The following ATP13A5 variants were observed in gnomAD, a reference collection of about 807,000 sequenced individuals.
The protein encoded by ATP13A5 is probable cation-transporting ATPase 13A5.
In ATP13A5, 149 loss-of-function variants were observed where a neutral mutation model predicts 150.2. That is an observed-to-expected ratio of 0.99 (90% CI 0.87 to 1.14). The LOEUF is 1.14. Among genes scored for constraint, ATP13A5 ranks in the 50% most tolerant of loss-of-function variants. The pLI is 0.00. For missense variants in ATP13A5, 1,383 were observed against 1,449.3 expected (o/e 0.95, Z 0.74); for synonymous variants, 497 against 522.2 (o/e 0.95, Z 0.66).
intron 22 of ATP13A5, 149 bp downstream of exon 22, chr3:193,307,178 A>C: frequency 6.7e-7 from 1 of 1,500,182 alleles, no homozygotes; most frequent in Non-Finnish European, 8.9e-7. Flanking sequence ...TCCGCTTCCA[A>C]CCCACACTCA....
chr3:193,293,236 T>C (rs1332484686), intron 25 of ATP13A5, among the ~76,000 whole-genome samples: 1 of 152,096 alleles, frequency 6.6e-6, no homozygotes, highest in East Asian at 1.9e-4. Flanking sequence ...AATACAAGCT[T>C]GGACAGTAGT....
chr3:193,306,081 G>A (rs1412104570), intron 22 of ATP13A5, among the ~76,000 whole-genome samples: 2 of 151,832 alleles, frequency 1.3e-5, no homozygotes, highest in Admixed American at 1.3e-4. Flanking sequence ...GAACAAAGGT[G>A]AAAGAATTCC....
intron 27 of ATP13A5, 103 bp from the exon 28 acceptor site, chr3:193,279,557 T>A (rs1378323564): frequency 1.2e-6 from 1 of 816,824 alleles, no homozygotes; most frequent in East Asian, 2.6e-5. Context: ...ATACCAGATA[T>A]ATCTTCAGAT....
chr3:193,359,939 G>A (rs1712940953), intron 5 of ATP13A5, among the ~76,000 whole-genome samples: 1 of 152,140 alleles, frequency 6.6e-6, no homozygotes, highest in African/African-American at 2.4e-5. Flanking sequence ...CAGGGTGGGT[G>A]GGCTGAGTGA....
At chr3:193,349,920 A>G (rs1400525834) in intron 7 of ATP13A5, among the ~76,000 whole-genome samples, 1 of 152,142 alleles carries the variant, frequency 6.6e-6, no homozygotes, top group Non-Finnish European at 1.5e-5. Flanking sequence ...TGCAAACACT[A>G]ATATGTAAGA....
intron 9 of ATP13A5, among the ~76,000 whole-genome samples, chr3:193,335,719 C>T (rs956410190): frequency 7.2e-5 from 11 of 152,266 alleles, no homozygotes; most frequent in African/African-American, 2.6e-4. Context: ...TAGCCTTTTC[C>T]ATTGCCACTA....
rs534653482 is a variant in ATP13A5, at chr3:193,279,170, ATAT to A, written c.3315+193_3315+195del. On this transcript the variant is annotated intron_variant, in intron 28 of 29. Transcript: ENST00000342358. ...AGGTACAGGATAAATGTACCCAATAATATTAATAATATGAAAACCATTAGAGGC... is the reference window on the plus strand; with the variant it reads ...AGGTACAGGATAAATGTACCCAATAATAATAATATGAAAACCATTAGAGGC... 3.1e-3 allele frequency among the ~76,000 whole-genome samples: 465 copies of A among 152,336 alleles called. 5 individuals carry two copies. Among genetic ancestry groups the A allele is most frequent in the Non-Finnish European group, 4.7e-3 (322 of 68,026 alleles).
intron 1 of ATP13A5, among the ~76,000 whole-genome samples, chr3:193,365,918 T>C (rs900127169): frequency 1.3e-5 from 2 of 152,100 alleles, no homozygotes; most frequent in Non-Finnish European, 1.5e-5. Context: ...TGGAATAATT[T>C]TTTAGGAAAA....
intron 23 of ATP13A5, among the ~76,000 whole-genome samples, chr3:193,304,680 A>C (rs566113100): frequency 6.6e-6 from 1 of 152,248 alleles, no homozygotes; most frequent in South Asian, 2.1e-4. Flanking sequence ...TGAGATCAGA[A>C]ATCAGAGTGG....
At chr3:193,350,613 G>C (rs567775767) in intron 7 of ATP13A5, among the ~76,000 whole-genome samples, 2 of 152,274 alleles carry the variant, frequency 1.3e-5, no homozygotes, top group Non-Finnish European at 2.9e-5. Context: ...GGACTTCTAA[G>C]AGGGAGACTA....
rs778862879 is a variant in ATP13A5 at position 193,363,260 on chromosome 3, T to C, written c.360A>G (p.Gln120=). 6.2e-7 allele frequency: 1 copy of C among 1,613,626 alleles called. No homozygotes were observed. Among genetic ancestry groups the C allele is most frequent in the Non-Finnish European group, 8.5e-7 (1 of 1,179,662 alleles). Reference sequence around the variant, plus strand: ...CTTTTAATTCTGGCTTTATTAAGGCTTGGTTTATGACAGAGTGGCGGTCAG... The same window carrying C: ...CTTTTAATTCTGGCTTTATTAAGGCCTGGTTTATGACAGAGTGGCGGTCAG... The part of the protein sequence containing the change: ...LVADRHSVIN[Q]ALIKPELKLR... Residue 120 remains glutamine, a synonymous_variant, in exon 3 of 30, where the codon CAA becomes CAG. Coordinates refer to ENST00000342358, the MANE Select transcript of ATP13A5 (RefSeq NM_198505.4).
intron 11 of ATP13A5, 84 bp from the exon 12 acceptor site, chr3:193,331,395 T>C (rs1374644016): frequency 7.8e-7 from 1 of 1,289,358 alleles, no homozygotes; most frequent in Non-Finnish European, 1.1e-6. Flanking sequence ...ATGAGCACAT[T>C]GTCTCCTACT....
chr3:193,286,332 T>C (rs1717721939), intron 26 of ATP13A5, among the ~76,000 whole-genome samples: 1 of 152,170 alleles, frequency 6.6e-6, no homozygotes, highest in Non-Finnish European at 1.5e-5. Flanking sequence ...TGCTTTATTA[T>C]GTTTCACTTT....
intron 23 of ATP13A5, among the ~76,000 whole-genome samples, chr3:193,303,458 T>C (rs1013535669): frequency 3.3e-5 from 5 of 152,148 alleles, no homozygotes; most frequent in African/African-American, 1.2e-4. Flanking sequence ...TTTGTGTGTG[T>C]ATGTGTGTGT....
In ATP13A5 at chr3:193,362,622, C is replaced by T. The variant is rs764256938; in HGVS notation, c.400G>A (p.Val134Met). The T allele has an allele frequency of 1.2e-5, 19 of 1,614,088 alleles. No individual in the cohort carries two copies. The highest frequency in any genetic ancestry group is 1.6e-4 in the Middle Eastern group (1 of 6,084). Residue 134 changes from valine (V) to methionine (M), a missense_variant, in exon 4 of 30, where the codon GTG becomes ATG. By Grantham distance (21) the Val-to-Met change is conservative (BLOSUM62 1). Around this residue, in one of 3 missense-constraint regions of ATP13A5, gnomAD observed 787 missense variants for 771.9 expected, o/e 1.02. Coordinates refer to ENST00000342358, the MANE Select transcript of ATP13A5 (RefSeq NM_198505.4). ...KPELKLRCME[V>M]QKIRYVWNDL... ...TTCCAAACATACCTGATTTTCTGCA[C>T]TTCCATGCACCGCAGCTACGATTGC...
At chr3:193,283,120 CAT>C (rs747115328) in intron 27 of ATP13A5, among the ~76,000 whole-genome samples, 2 of 151,960 alleles carry the variant, frequency 1.3e-5, no homozygotes, top group African/African-American at 4.8e-5. Context: ...CAGACAAACA[CAT>C]ATATGAAGAT....
chr3:193,276,727 A>G, intron 29 of ATP13A5, 23 bp downstream of exon 29: 1 of 1,528,268 alleles, frequency 6.5e-7, no homozygotes. Context: ...ATCTTCCTAG[A>G]AAAAATATAG....
At chr3:193,321,347 T>C (rs781572189) in intron 16 of ATP13A5, among the ~76,000 whole-genome samples, 1 of 152,170 alleles carries the variant, frequency 6.6e-6, no homozygotes, top group African/African-American at 2.4e-5. Context: ...GTATTTGGTC[T>C]CGGCTGGCCG....
At chr3:193,300,218 A>G (rs1718346871) in intron 24 of ATP13A5, among the ~76,000 whole-genome samples, 1 of 152,078 alleles carries the variant, frequency 6.6e-6, no homozygotes, top group Non-Finnish European at 1.5e-5. Context: ...TGGTAAAATT[A>G]TATATTCAGA....
Sources: gnomAD v4.1 joint callset for allele counts (sites outside exome capture counted in the v4.1 genomes callset) on GRCh38, gnomAD v4.1.1 for gene constraint, gnomAD v4.1.1 regional missense constraint, MANE v1.5 for transcripts, NCBI Gene and HGNC (gene_info 2026-07-23, HGNC 2026-07-21) for gene names.